Variants in KCNC2 observed in about 807,000 individuals in gnomAD.
KCNC2 encodes voltage-gated potassium channel KCNC2.
KCNC2 carries 21 observed loss-of-function variants against 44.5 expected under a neutral mutation model. The ratio of observed to expected loss-of-function variants is 0.47; its 90% CI spans 0.33 to 0.68. The LOEUF (loss-of-function observed/expected upper bound fraction) is 0.68, where lower values mean the gene tolerates loss of function less well. Among genes scored for constraint, KCNC2 ranks in the 30% least tolerant of loss-of-function variants. The pLI, the probability that KCNC2 is intolerant of heterozygous loss-of-function variation, is 0.01. For missense variants in KCNC2, 589 were observed against 826.2 expected, an observed-to-expected ratio of 0.71 and a Z score of 3.52; for synonymous variants, 391 against 339.1, an observed-to-expected ratio of 1.15 and a Z score of -1.68.
Position 75,042,552 on chromosome 12 carries a change from A to T in KCNC2, c.*553T>A. 7.2e-7 allele frequency: 1 copy of T among 1,396,812 alleles called. No homozygotes were observed. The highest frequency in any genetic ancestry group is 2.9e-5 in the Admixed American group (1 of 34,070). 86.5% of individuals were successfully genotyped at this position (1,396,812 alleles called of 1,614,324 possible). On this transcript the variant is annotated 3_prime_UTR_variant, in exon 5 of 5. Transcript: ENST00000549446. ...ATTCAACATGCAGAACAGTCGACCA[A>T]TGCTTTCATATCAGCAGGATGGTTC...
At chr12:75,069,965 G>A (rs769377294) in intron 2 of KCNC2, among the ~76,000 whole-genome samples, 12 of 152,214 alleles carry the variant, frequency 7.9e-5, no homozygotes, top group South Asian at 2.1e-4. Context: ...TAACAGGATC[G>A]AATTGGCTCC....
At chr12:75,175,313 A>G (rs1485962882) in intron 2 of KCNC2, among the ~76,000 whole-genome samples, 1 of 152,010 alleles carries the variant, frequency 6.6e-6, no homozygotes, top group Admixed American at 6.6e-5. Context: ...AAATAAGTAG[A>G]AAGTGGTTAA....
Position 75,051,218 on chromosome 12 carries a change from G to T in KCNC2, c.787C>A (p.Pro263Thr). 2 of 1,612,320 alleles carry T rather than the reference G, an allele frequency of 1.2e-6. No individual in the cohort carries two copies. The highest frequency in any genetic ancestry group is 1.7e-6 in the Non-Finnish European group (2 of 1,178,590). ...ACAACACTTGTGCCATTGATGACTGGTTCTGTCTTGTTTTTAACAATATTG... is the reference window on the plus strand; with the variant it reads ...ACAACACTTGTGCCATTGATGACTGTTTCTGTCTTGTTTTTAACAATATTG... ...AFNIVKNKTEPVINGTSVVLQ... is the reference protein window; with the variant it reads ...AFNIVKNKTETVINGTSVVLQ... The change falls in exon 3 of 5, where the codon CCA becomes ACA. Residue 263 changes from proline to threonine, a missense_variant. By Grantham distance (38) the Pro-to-Thr change is conservative. Around this residue, in one of 7 missense-constraint regions of KCNC2, gnomAD observed 40 missense variants for 40.6 expected, o/e 0.99. Coordinates refer to ENST00000549446, the MANE Select transcript of KCNC2 (RefSeq NM_139137.4).
At chr12:75,064,179 A>G (rs1247574994) in intron 2 of KCNC2, among the ~76,000 whole-genome samples, 5 of 152,086 alleles carry the variant, frequency 3.3e-5, no homozygotes, top group African/African-American at 1.2e-4. Flanking sequence ...TGTAATCTCA[A>G]TTAAGTTCTA....
intron 2 of KCNC2, among the ~76,000 whole-genome samples, chr12:75,069,127 A>ATATTTTTTTTTT (rs1231157819): frequency 2.9e-5 from 1 of 33,902 alleles, no homozygotes; most frequent in Non-Finnish European, 6.4e-5. Context: ...ATTTTATATA[A>ATATTTTTTTTTT]TCTTTTTTTT....
chr12:75,043,003 A>C lies in KCNC2; in HGVS notation c.*102T>G. ...TATCATGCAAGATTTATACTGTATT[A>C]ATGGAGCCTGGAGTAACTCTACATT... On this transcript the variant is annotated 3_prime_UTR_variant, in exon 5 of 5. Transcript: ENST00000549446. 10 of 1,536,050 alleles carry C rather than the reference A, an allele frequency of 6.5e-6. No individual in the cohort carries two copies. The highest frequency in any genetic ancestry group is 8.7e-6 in the Non-Finnish European group (10 of 1,143,754).
chr12:75,041,998 C>T lies in KCNC2; in HGVS notation c.*1107G>A. On this transcript the variant is annotated 3_prime_UTR_variant, in exon 5 of 5. Transcript: ENST00000549446. The stretch of plus-strand genomic sequence containing the variant: ...CAAGAACAACATACAGGACAAAGCA[C>T]CTGATTAAACACTGCCTGAAAATCT... The T allele has an allele frequency of 5.6e-6, 6 of 1,069,446 alleles. No individual in the cohort carries two copies. Among genetic ancestry groups the T allele is most frequent in the Non-Finnish European group, 6.8e-6 (6 of 885,174 alleles). 66.2% of individuals were successfully genotyped at this position (1,069,446 alleles called of 1,614,324 possible).
rs764446468 is a variant in KCNC2, at chr12:75,207,992, C to A, written c.-9G>T. 58 of 1,611,910 alleles carry A rather than the reference C, an allele frequency of 3.6e-5. No homozygotes were observed. In the South Asian group the frequency reaches 5.6e-4, roughly 16 times the overall value. On this transcript the variant is annotated 5_prime_UTR_variant, in exon 2 of 5. Transcript: ENST00000549446. This position sits in a 1 kb window ranked among gnomAD's most constrained non-coding sequence, Gnocchi z 4.1. ...TTCTCGATCTTGCCCATCTCTGTGACTCAGACATGACTAGGGGGAGGCAAA... is the reference window on the plus strand; with the variant it reads ...TTCTCGATCTTGCCCATCTCTGTGAATCAGACATGACTAGGGGGAGGCAAA...
rs1386716195 is a variant in KCNC2 at position 75,055,132 on chromosome 12, T to A, written c.688-3815A>T. ...ATCTTCAAGGACTAGACTGGCATCA[T>A]ATTCACTTTTTGTATTTCTTGCTCC... is the stretch of plus-strand genomic sequence containing the variant. On this transcript the variant is annotated intron_variant, in intron 2 of 4. Coordinates refer to ENST00000549446, the MANE Select transcript of KCNC2 (RefSeq NM_139137.4). Among the ~76,000 whole-genome samples, 3 of 152,130 alleles carry A rather than the reference T, an allele frequency of 2.0e-5. No individual in the cohort carries two copies. In the East Asian group the frequency reaches 5.8e-4, roughly 29 times the overall value.
At chr12:75,066,053 C>A (rs1882798179) in intron 2 of KCNC2, among the ~76,000 whole-genome samples, 1 of 152,104 alleles carries the variant, frequency 6.6e-6, no homozygotes, top group African/African-American at 2.4e-5. Flanking sequence ...AAAATTTAGA[C>A]ATTCTTCTTC....
chr12:75,191,612 G>T (rs1225765106), intron 2 of KCNC2, among the ~76,000 whole-genome samples: 2 of 130,558 alleles, frequency 1.5e-5, no homozygotes, highest in Non-Finnish European at 3.1e-5. Context: ...CTGCAGTGGC[G>T]CAATCTCGGC....
chr12:75,172,768 C>T lies in KCNC2; in HGVS notation c.687+34529G>A, dbSNP rs550696791. On this transcript the variant is annotated intron_variant, in intron 2 of 4. Transcript: ENST00000549446. ...TGCCTCAACCAAGTTCAAGCTTCCT[C>T]TCTGATAGGCTGCAACCGCAAGGCT... is the stretch of plus-strand genomic sequence containing the variant. Among the ~76,000 whole-genome samples, 33 of 151,998 alleles carry T rather than the reference C, an allele frequency of 2.2e-4. 1 individual carries two copies. Among genetic ancestry groups the T allele is most frequent in the Admixed American group, 1.4e-3 (22 of 15,254 alleles).
In KCNC2 at chr12:75,041,196, T is replaced by G; in HGVS notation, c.*1909A>C. On this transcript the variant is annotated 3_prime_UTR_variant, in exon 5 of 5. Transcript: ENST00000549446. ...CAGCAGTCAATAATCCATGATAAAT[T>G]CTGTACAACACTGTAGTCAATAACA... 6.3e-7 allele frequency: 1 copy of G among 1,595,958 alleles called. No individual in the cohort carries two copies. The highest frequency in any genetic ancestry group is 1.3e-5 in the African/African-American group (1 of 74,870).
rs376522574 is a variant in KCNC2 at position 75,159,124 on chromosome 12, G to A, written c.687+48173C>T. On this transcript the variant is annotated intron_variant, in intron 2 of 4. Transcript: ENST00000549446. The stretch of plus-strand genomic sequence containing the variant: ...CACACACCAGGGCCTGTCGGAGGGT[G>A]GGGGGGAAAGGGGAGGGATAGTATT... Among the ~76,000 whole-genome samples the A allele has an allele frequency of 1.5e-4, 23 of 150,808 alleles. No individual in the cohort carries two copies. In the South Asian group the frequency reaches 2.3e-3, roughly 15 times the overall value.
chr12:75,042,713 A>G lies in KCNC2; in HGVS notation c.*392T>C. Reference sequence around the variant, plus strand: ...GTGTGCAATCAAGATAGGATCCCAGACATCTTCAGAATGGTTTACAGTCAC... The same window carrying G: ...GTGTGCAATCAAGATAGGATCCCAGGCATCTTCAGAATGGTTTACAGTCAC... On this transcript the variant is annotated 3_prime_UTR_variant, in exon 5 of 5. Transcript: ENST00000549446. The G allele has an allele frequency of 3.4e-6, 4 of 1,169,316 alleles. No homozygotes were observed. Among genetic ancestry groups the G allele is most frequent in the Non-Finnish European group, 4.2e-6 (4 of 945,668 alleles). 72.4% of individuals were successfully genotyped at this position (1,169,316 alleles called of 1,614,324 possible). A position where few individuals can be genotyped will look rare whatever the true frequency, so the allele number is the denominator to read the frequency against.
At chr12:75,164,942 T>A (rs751797224) in intron 2 of KCNC2, among the ~76,000 whole-genome samples, 3 of 151,658 alleles carry the variant, frequency 2.0e-5, no homozygotes, top group Non-Finnish European at 4.4e-5. Flanking sequence ...TACCAAAGTG[T>A]CCACCAACCT....
chr12:75,050,267 C>A, intron 3 of KCNC2, 123 bp downstream of exon 3: 1 of 722,822 alleles, frequency 1.4e-6, no homozygotes, highest in East Asian at 2.5e-5. Flanking sequence ...ACACACATTT[C>A]GTGAAAGGGT....
At chr12:75,197,142 T>G (rs1268980256) in intron 2 of KCNC2, among the ~76,000 whole-genome samples, 1 of 152,008 alleles carries the variant, frequency 6.6e-6, no homozygotes, top group Non-Finnish European at 1.5e-5. Flanking sequence ...ACATTCAAAT[T>G]TGTGAACTGC....
At chr12:75,089,535 G>T (rs1592846818) in intron 2 of KCNC2, among the ~76,000 whole-genome samples, 1 of 151,552 alleles carries the variant, frequency 6.6e-6, no homozygotes, top group African/African-American at 2.4e-5. Flanking sequence ...TTAAAATATT[G>T]AATATTGTTT....
Sources: allele counts gnomAD v4.1 joint callset (sites outside exome capture counted in the v4.1 genomes callset), GRCh38; gene constraint gnomAD v4.1.1; regional missense constraint gnomAD v4.1.1; non-coding constraint Gnocchi (gnomAD v3.1); transcripts MANE v1.5; gene names NCBI Gene and HGNC (gene_info 2026-07-23, HGNC 2026-07-21).